Variants in RASGEF1C observed in about 807,000 individuals in gnomAD.
The protein encoded by RASGEF1C is ras-GEF domain-containing family member 1C.
A neutral mutation model predicts 58.1 loss-of-function variants in RASGEF1C; 27 were observed. The ratio of observed to expected loss-of-function variants is 0.46; its 90% confidence interval spans 0.34 to 0.64. The LOEUF (loss-of-function observed/expected upper bound fraction) is 0.64. Ranked by LOEUF, RASGEF1C falls within the 30% of genes least tolerant of loss-of-function variation. The pLI is 0.01. For synonymous variants in RASGEF1C, 243 were observed against 246.3 expected (o/e 0.99, Z 0.13); for missense variants, 502 against 605.1 (o/e 0.83, Z 1.79).
intron 1 of RASGEF1C, among the ~76,000 whole-genome samples, chr5:180,187,603 AAG>A (rs1156985926): frequency 5.9e-5 from 9 of 152,226 alleles, no homozygotes; most frequent in African/African-American, 2.2e-4. Context: ...ATACACCTGT[AAG>A]AGTCTAGTAT....
At chr5:180,111,622 C>A (rs765947689) in intron 11 of RASGEF1C, 42 bp from the exon 12 acceptor site, 109 of 1,612,128 alleles carry the variant, frequency 6.8e-5, no homozygotes, top group Non-Finnish European at 8.8e-5. Flanking sequence ...CACTCCAGTG[C>A]CTGGAGGTCC....
rs1766625641 is a variant in RASGEF1C, at chr5:180,143,984, T to C, written c.-6-5926A>G. 6.6e-6 allele frequency among the ~76,000 whole-genome samples: 1 copy of C among 152,140 alleles called. No individual in the cohort carries two copies. The highest frequency in any genetic ancestry group is 2.4e-5 in the African/African-American group (1 of 41,416). On this transcript the variant is annotated intron_variant, in intron 1 of 13. Transcript: ENST00000361132. The surrounding 1 kb of genome is among the most constrained non-coding windows in gnomAD (Gnocchi z 4.3). The stretch of plus-strand genomic sequence containing the variant: ...AAGGCCCCTGTGAGGACCACGCGCG[T>C]GTCTCAGGAAGACACCTGTGAGCTC...
chr5:180,121,666 CACACACACACACACA>C (rs751033913), intron 6 of RASGEF1C, among the ~76,000 whole-genome samples: 2,380 of 91,286 alleles, frequency 0.026, 24 homozygotes, highest in Non-Finnish European at 0.038. Context: ...CACACACACA[CACACACACACACACA>C]CCCTCATTAT....
At chr5:180,160,341 A>T (rs2113300206) in intron 1 of RASGEF1C, among the ~76,000 whole-genome samples, 1 of 152,230 alleles carries the variant, frequency 6.6e-6, no homozygotes, top group South Asian at 2.1e-4. Flanking sequence ...TCCAGACTGG[A>T]CACCCTCTGC....
chr5:180,130,134 C>T (rs1046209256), intron 4 of RASGEF1C, among the ~76,000 whole-genome samples: 4 of 152,180 alleles, frequency 2.6e-5, no homozygotes, highest in African/African-American at 9.6e-5. Context: ...AGCTGTTATT[C>T]TAGTGTGGGA....
intron 6 of RASGEF1C, among the ~76,000 whole-genome samples, chr5:180,127,163 G>GT (rs1434810138): frequency 6.6e-6 from 1 of 152,148 alleles, no homozygotes; most frequent in Non-Finnish European, 1.5e-5. Flanking sequence ...GGACCCAGGA[G>GT]TTCCCTTACC....
chr5:180,207,812 G>T (rs1463534373), intron 1 of RASGEF1C, among the ~76,000 whole-genome samples: 1 of 152,078 alleles, frequency 6.6e-6, no homozygotes, highest in African/African-American at 2.4e-5. Context: ...CGGGCTACCC[G>T]TCCATCACAG....
chr5:180,128,962 G>C (rs940398848), intron 4 of RASGEF1C, among the ~76,000 whole-genome samples: 2 of 152,262 alleles, frequency 1.3e-5, no homozygotes, highest in African/African-American at 2.4e-5. Flanking sequence ...CAGAGAAAGG[G>C]AGAGAGGCGG....
rs537029707 is a variant in RASGEF1C at position 180,124,218 on chromosome 5, C to A, written c.715-3069G>T. On this transcript the variant is annotated intron_variant, in intron 6 of 13. Coordinates refer to ENST00000361132, the MANE Select transcript of RASGEF1C (RefSeq NM_175062.4). ...CTGCACTCCAGCCTGGGCGACAGAG[C>A]GAGACTCTGTCTCAAAAAAAAAAAA... Among the ~76,000 whole-genome samples the A allele has an allele frequency of 3.7e-5, 5 of 134,212 alleles. No homozygotes were observed. In the East Asian group the frequency reaches 1.1e-3, roughly 30 times the overall value. The allele number at this position is 134,212 out of a possible 152,430, so 88.0% of individuals were successfully genotyped here.
At chr5:180,121,254 AC>A in intron 6 of RASGEF1C, 105 bp from the exon 7 acceptor site, 1 of 736,200 alleles carries the variant, frequency 1.4e-6, no homozygotes, top group Non-Finnish European at 2.4e-6. Context: ...AAATGTTAAA[AC>A]CCCCAAACCA....
In RASGEF1C at chr5:180,136,519, C is replaced by T. The variant is rs371006354; in HGVS notation, c.301-4G>A. On this transcript the variant is annotated splice_region_variant and splice_polypyrimidine_tract_variant and intron_variant, in intron 3 of 13. Transcript: ENST00000361132. Reference sequence around the variant, plus strand: ...GGCCGAACTTCCGGACCCGGGCCTACGGGCAAGCGAGGGGCACCGCGCTCG... The same window carrying T: ...GGCCGAACTTCCGGACCCGGGCCTATGGGCAAGCGAGGGGCACCGCGCTCG... The T allele has an allele frequency of 1.8e-4, 280 of 1,570,202 alleles. No individual in the cohort carries two copies. The highest frequency in any genetic ancestry group is 2.2e-4 in the Non-Finnish European group (250 of 1,157,168).
At chr5:180,199,226 T>C in intron 1 of RASGEF1C, among the ~76,000 whole-genome samples, 1 of 152,002 alleles carries the variant, frequency 6.6e-6, no homozygotes, top group East Asian at 1.9e-4. Context: ...CTGCATTGAG[T>C]TTTTAGGAAA....
chr5:180,136,070 T>C (rs1322776251), intron 4 of RASGEF1C, among the ~76,000 whole-genome samples: 3 of 152,206 alleles, frequency 2.0e-5, no homozygotes, highest in Non-Finnish European at 4.4e-5. Context: ...GACAGGGCTC[T>C]GCCAGCCCCG....
At chr5:180,206,726 G>C (rs1756495623) in intron 1 of RASGEF1C, among the ~76,000 whole-genome samples, 1 of 152,188 alleles carries the variant, frequency 6.6e-6, no homozygotes, top group African/African-American at 2.4e-5. Flanking sequence ...TAATAGTACA[G>C]CCACAGAACG....
intron 1 of RASGEF1C, among the ~76,000 whole-genome samples, chr5:180,183,548 G>A (rs1232870208): frequency 6.6e-6 from 1 of 152,056 alleles, no homozygotes; most frequent in African/African-American, 2.4e-5. Flanking sequence ...ATAAAGGCTA[G>A]GCATGGTGGC....
intron 6 of RASGEF1C, among the ~76,000 whole-genome samples, chr5:180,121,549 G>A (rs1290597025): frequency 3.3e-5 from 5 of 151,904 alleles, no homozygotes; most frequent in Non-Finnish European, 7.4e-5. Flanking sequence ...TCCTGACCTC[G>A]TGATCCGCCC....
chr5:180,138,347 C>A, intron 1 of RASGEF1C: 1 of 318,414 alleles, frequency 3.1e-6, no homozygotes, highest in Non-Finnish European at 5.7e-6. Flanking sequence ...GATTCTTCCC[C>A]CCGGCACCCC....
At chr5:180,140,437 G>A (rs1164342972) in intron 1 of RASGEF1C, among the ~76,000 whole-genome samples, 1 of 152,250 alleles carries the variant, frequency 6.6e-6, no homozygotes, top group Non-Finnish European at 1.5e-5. Context: ...CCGACCTCAG[G>A]GAGCTGGTAA....
chr5:180,119,777 TAGAG>T (rs1766136191), intron 7 of RASGEF1C, among the ~76,000 whole-genome samples: 1 of 152,140 alleles, frequency 6.6e-6, no homozygotes, highest in Non-Finnish European at 1.5e-5. Context: ...TCCCCTGAAT[TAGAG>T]AGCCCCAACT....
Sources: allele counts gnomAD v4.1 joint callset (sites outside exome capture counted in the v4.1 genomes callset), GRCh38; gene constraint gnomAD v4.1.1; non-coding constraint Gnocchi (gnomAD v3.1); transcripts MANE v1.5; gene names NCBI Gene and HGNC (gene_info 2026-07-23, HGNC 2026-07-21).